RBFOX3: variants seen among roughly 807,000 people sequenced by gnomAD.
RBFOX3 encodes the protein RNA binding fox-1 homolog 3.
RBFOX3 carries 17 observed loss-of-function variants against 48.7 expected under a neutral mutation model. The observed-to-expected ratio is 0.35, with a 90% CI of 0.24 to 0.52. RBFOX3 has a LOEUF of 0.52. RBFOX3 is among the 20% of genes least tolerant of loss of function. The probability of loss-of-function intolerance (pLI) is 0.94; values close to 1 mark genes in which losing one functional copy is unlikely to be tolerated. For synonymous variants in RBFOX3, 212 were observed against 209.5 expected (o/e 1.01, Z -0.10); for missense variants, 382 against 497.5 (o/e 0.77, Z 2.21).
Position 79,180,055 on chromosome 17 carries a change from C to T in RBFOX3, c.-34+55711G>A, listed in dbSNP as rs117237232. Among the ~76,000 whole-genome samples the T allele has an allele frequency of 7.2e-4, 110 of 152,330 alleles. 1 individual carries two copies. The East Asian group carries it at 0.018, about 25-fold the overall frequency. On this transcript the variant is annotated intron_variant, in intron 4 of 14. Transcript: ENST00000693108. ...TTAACAAACACCAGAGCCCAATGCA[C>T]AGCTGGAGTTCTCCTGGTGTCAGAT...
intron 4 of RBFOX3, among the ~76,000 whole-genome samples, chr17:79,141,844 C>CAT (rs1255126714): frequency 1.3e-5 from 2 of 152,194 alleles, no homozygotes; most frequent in African/African-American, 2.4e-5. Flanking sequence ...CGAAAGTGAG[C>CAT]GTTATCTATA....
upstream of RBFOX3, among the ~76,000 whole-genome samples, chr17:79,614,668 T>C (rs897880530): frequency 4.6e-5 from 7 of 152,216 alleles, no homozygotes; most frequent in East Asian, 1.4e-3. Flanking sequence ...ACCGCATCCA[T>C]GAACCAAGAG....
In RBFOX3 at chr17:79,214,422, T is replaced by C. The variant is rs1325825898; in HGVS notation, c.-34+21344A>G. On this transcript the variant is annotated intron_variant, in intron 4 of 14. Transcript: ENST00000693108. The surrounding 1 kb of genome is among the most constrained non-coding windows in gnomAD (Gnocchi z 4.7). ...CAGCAACCAGGGAGGGTGGGGGCTCTCTTCTTGAGAAAAGTGATGCAAAGC... is the reference window on the plus strand; with the variant it reads ...CAGCAACCAGGGAGGGTGGGGGCTCCCTTCTTGAGAAAAGTGATGCAAAGC... 6.6e-6 allele frequency among the ~76,000 whole-genome samples: 1 copy of C among 152,150 alleles called. No homozygotes were observed.
the RBFOX3 span, among the ~76,000 whole-genome samples, chr17:79,658,455 C>A: frequency 3.4e-5 from 5 of 148,784 alleles, no homozygotes; most frequent in African/African-American, 1.3e-4. Context: ...TCCTCCTCCA[C>A]CCCTCCCTCT....
intron 2 of RBFOX3, among the ~76,000 whole-genome samples, chr17:79,317,713 C>G (rs574104672): frequency 7.6e-4 from 115 of 152,122 alleles, no homozygotes; most frequent in African/African-American, 2.7e-3. Context: ...TTCCAGGTAA[C>G]TAGTAGGTAC....
chr17:79,508,324 C>T (rs1555779585), intron 1 of RBFOX3, among the ~76,000 whole-genome samples: 1 of 152,172 alleles, frequency 6.6e-6, no homozygotes, highest in African/African-American at 2.4e-5. Context: ...AGTGCTGCCA[C>T]CCCAGCCACA....
chr17:79,296,583 C>T (rs568539959), intron 3 of RBFOX3, among the ~76,000 whole-genome samples: 19 of 152,180 alleles, frequency 1.2e-4, no homozygotes, highest in African/African-American at 3.9e-4. Flanking sequence ...AAATGCCCAA[C>T]GGAAGAGTCC....
chr17:79,618,030 T>A, the RBFOX3 span, among the ~76,000 whole-genome samples: 1 of 152,194 alleles, frequency 6.6e-6, no homozygotes, highest in African/African-American at 2.4e-5. Context: ...ATTTATCTTC[T>A]CCAGAGGAGG....
chr17:79,203,561 G>A (rs1293541972), intron 4 of RBFOX3, among the ~76,000 whole-genome samples: 8 of 61,132 alleles, frequency 1.3e-4, no homozygotes, highest in African/African-American at 5.7e-4. Context: ...GTGAAGGGGC[G>A]TGTAAGGACT....
At chr17:79,116,824 C>T (rs1487264268) in intron 4 of RBFOX3, among the ~76,000 whole-genome samples, 1 of 152,266 alleles carries the variant, frequency 6.6e-6, no homozygotes, top group African/African-American at 2.4e-5. Context: ...GGCCCTTGGG[C>T]AGGACCCCAG....
chr17:79,355,967 A>G (rs2084906720), intron 2 of RBFOX3, among the ~76,000 whole-genome samples: 1 of 152,178 alleles, frequency 6.6e-6, no homozygotes, highest in Non-Finnish European at 1.5e-5. Flanking sequence ...GTAATATGTG[A>G]CTTAGGTAAT....
intron 2 of RBFOX3, among the ~76,000 whole-genome samples, chr17:79,324,264 C>A (rs905546198): frequency 6.6e-6 from 1 of 152,232 alleles, no homozygotes; most frequent in South Asian, 2.1e-4. Flanking sequence ...CCAGGAGGAG[C>A]AGCAGCACTT....
At chr17:79,645,264 T>C in the RBFOX3 span, among the ~76,000 whole-genome samples, 1 of 152,128 alleles carries the variant, frequency 6.6e-6, no homozygotes, top group African/African-American at 2.4e-5. Context: ...AAACCTTGCG[T>C]GCAATGTCCA....
chr17:79,340,824 G>A (rs1266919061), intron 2 of RBFOX3, among the ~76,000 whole-genome samples: 1 of 152,194 alleles, frequency 6.6e-6, no homozygotes, highest in East Asian at 1.9e-4. Flanking sequence ...TCAGCATGCC[G>A]GAGAGGGCTG....
chr17:79,226,541 A>C (rs1469332354), intron 4 of RBFOX3, among the ~76,000 whole-genome samples: 1 of 152,200 alleles, frequency 6.6e-6, no homozygotes, highest in Non-Finnish European at 1.5e-5. Context: ...CTGTGACTGC[A>C]CCCAGTGTGT....
At chr17:79,610,133 G>A (rs1234682562) in intron 1 of RBFOX3, among the ~76,000 whole-genome samples, 2 of 151,974 alleles carry the variant, frequency 1.3e-5, no homozygotes, top group East Asian at 3.9e-4. Context: ...CTCGCTGCTC[G>A]GCCCCCGCGC....
At chr17:79,245,223 C>T (rs1428195017) in intron 3 of RBFOX3, among the ~76,000 whole-genome samples, 1 of 152,088 alleles carries the variant, frequency 6.6e-6, no homozygotes, top group Non-Finnish European at 1.5e-5. Context: ...CAGGCGTACG[C>T]CACCACACCC....
At chr17:79,162,292 G>T (rs1201112218) in intron 4 of RBFOX3, among the ~76,000 whole-genome samples, 2 of 148,736 alleles carry the variant, frequency 1.3e-5, no homozygotes, top group Admixed American at 1.3e-4. Flanking sequence ...TCATGGGGCC[G>T]CCTGCACACA....
At chr17:79,235,889 T>G (rs989668237) in intron 3 of RBFOX3, 84 bp from the exon 4 acceptor site, 9 of 153,500 alleles carry the variant, frequency 5.9e-5, no homozygotes, top group South Asian at 2.1e-4. Context: ...TGCTATTTGC[T>G]CATCGACTAG....
Sources: allele counts gnomAD v4.1 joint callset (sites outside exome capture counted in the v4.1 genomes callset), GRCh38; gene constraint gnomAD v4.1.1; non-coding constraint Gnocchi (gnomAD v3.1); transcripts MANE v1.5; gene names NCBI Gene and HGNC (gene_info 2026-07-23, HGNC 2026-07-21).